LMX1B: variants seen among roughly 807,000 people sequenced by gnomAD.
The protein encoded by LMX1B is LIM homeobox transcription factor 1-beta.
LMX1B carries 12 observed loss-of-function variants against 51.4 expected under a neutral mutation model. That is an observed-to-expected ratio of 0.23 (90% CI 0.15 to 0.38). The LOEUF is 0.38. Among genes scored for constraint, LMX1B ranks in the 10% least tolerant of loss-of-function variants. The pLI is 1.00. For missense variants in LMX1B, 445 were observed against 571.1 expected (o/e 0.78, Z 2.25); for synonymous variants, 237 against 235.4 (o/e 1.01, Z -0.06).
Position 126,644,761 on chromosome 9 carries a change from C to T in LMX1B, c.326+29192C>T, listed in dbSNP as rs192112382. On this transcript the variant is annotated intron_variant, in intron 2 of 7. Transcript: ENST00000373474. ...CCTGTCTGTAAAATGGGACCACCAC[C>T]TTCGCAGGGTATGTAGTCGGGGGTT... Among the ~76,000 whole-genome samples, 178 of 152,312 alleles carry T rather than the reference C, an allele frequency of 1.2e-3. 1 individual carries two copies. The highest frequency in any genetic ancestry group is 4.1e-3 in the African/African-American group (172 of 41,570).
intron 2 of LMX1B, among the ~76,000 whole-genome samples, chr9:126,674,526 C>A (rs946104784): frequency 1.1e-4 from 16 of 152,158 alleles, no homozygotes; most frequent in African/African-American, 3.6e-4. Flanking sequence ...GTGGGGAGAT[C>A]CCTGACCCAA....
chr9:126,620,214 C>T (rs1835380965), intron 2 of LMX1B, among the ~76,000 whole-genome samples: 1 of 152,156 alleles, frequency 6.6e-6, no homozygotes, highest in South Asian at 2.1e-4. Flanking sequence ...CCTGGGGAAG[C>T]CATTGCCTTT....
At chr9:126,684,354 C>T (rs895616734) in intron 2 of LMX1B, among the ~76,000 whole-genome samples, 1 of 152,104 alleles carries the variant, frequency 6.6e-6, no homozygotes, top group Non-Finnish European at 1.5e-5. Flanking sequence ...AGAGAAAGTT[C>T]CAGAGACAGA....
At chr9:126,628,130 C>T (rs1432970921) in intron 2 of LMX1B, among the ~76,000 whole-genome samples, 1 of 152,250 alleles carries the variant, frequency 6.6e-6, no homozygotes, top group East Asian at 1.9e-4. Context: ...CCACATCCCA[C>T]CATCTTTCTT....
At chr9:126,689,333 G>A (rs80247685) in intron 2 of LMX1B, among the ~76,000 whole-genome samples, 3,986 of 152,294 alleles carry the variant, frequency 0.026, 153 homozygotes, top group African/African-American at 0.088. Flanking sequence ...AGGCAGGCGA[G>A]TGCCTCCCAT....
intron 2 of LMX1B, among the ~76,000 whole-genome samples, chr9:126,647,943 G>T (rs1835932591): frequency 1.3e-5 from 2 of 152,184 alleles, no homozygotes; most frequent in South Asian, 4.1e-4. Flanking sequence ...CCATCCTCCT[G>T]TCCCCAGGGA....
chr9:126,640,521 A>G (rs1835790478), intron 2 of LMX1B, among the ~76,000 whole-genome samples: 1 of 152,076 alleles, frequency 6.6e-6, no homozygotes, highest in Admixed American at 6.5e-5. Context: ...CATGTATGTG[A>G]CAAGTCCTTG....
intron 2 of LMX1B, among the ~76,000 whole-genome samples, chr9:126,644,037 G>A (rs139505139): frequency 2.6e-5 from 4 of 152,142 alleles, no homozygotes; most frequent in Admixed American, 6.6e-5. Flanking sequence ...TCACTGGCCC[G>A]CACTGCCCAG....
At chr9:126,616,699 C>T (rs1017185897) in intron 2 of LMX1B, among the ~76,000 whole-genome samples, 2 of 152,220 alleles carry the variant, frequency 1.3e-5, no homozygotes, top group African/African-American at 4.8e-5. Flanking sequence ...GCCGGCGCCT[C>T]GTGGTGAGTG....
intron 2 of LMX1B, among the ~76,000 whole-genome samples, chr9:126,632,836 C>T (rs1008631995): frequency 1.3e-5 from 2 of 152,220 alleles, no homozygotes; most frequent in Non-Finnish European, 2.9e-5. Flanking sequence ...ACCTGTGCAG[C>T]CCCACTGGGC....
intron 2 of LMX1B, among the ~76,000 whole-genome samples, chr9:126,660,103 GTGTC>G (rs1836208471): frequency 7.0e-6 from 1 of 142,368 alleles, no homozygotes. Context: ...CTGTGTGGGG[GTGTC>G]TACACTGCCC....
At chr9:126,688,728 C>G (rs1370587066) in intron 2 of LMX1B, among the ~76,000 whole-genome samples, 4 of 152,204 alleles carry the variant, frequency 2.6e-5, no homozygotes, top group Admixed American at 6.5e-5. Context: ...AAATCCAGCC[C>G]ACATTCCCCT....
chr9:126,677,418 A>T lies in LMX1B; in HGVS notation c.327-13418A>T, dbSNP rs977182701. 1.3e-5 allele frequency among the ~76,000 whole-genome samples: 2 copies of T among 152,144 alleles called. No individual in the cohort carries two copies. Among genetic ancestry groups the T allele is most frequent in the African/African-American group, 4.8e-5 (2 of 41,414 alleles). On this transcript the variant is annotated intron_variant, in intron 2 of 7. Coordinates refer to ENST00000373474, the MANE Select transcript of LMX1B (RefSeq NM_001174147.2). This position sits in a 1 kb window ranked among gnomAD's most constrained non-coding sequence, Gnocchi z 5.0. ...CTCATCTTGCCCACCCACTACTGCT[A>T]TGTCTCCACAAAAAGCCCGGCACAA...
At chr9:126,651,447 G>T (rs1295549184) in intron 2 of LMX1B, among the ~76,000 whole-genome samples, 2 of 152,100 alleles carry the variant, frequency 1.3e-5, no homozygotes, top group Non-Finnish European at 2.9e-5. Context: ...GAGACTGCAG[G>T]GTTGTCTCAA....
intron 2 of LMX1B, among the ~76,000 whole-genome samples, chr9:126,629,058 A>C (rs1181167212): frequency 2.0e-5 from 3 of 152,128 alleles, no homozygotes; most frequent in Non-Finnish European, 4.4e-5. Flanking sequence ...TTATGACCAC[A>C]AAATTACCAT....
rs1835808601 is a variant in LMX1B, at chr9:126,641,573, C to T, written c.326+26004C>T. On this transcript the variant is annotated intron_variant, in intron 2 of 7. Coordinates refer to ENST00000373474, the MANE Select transcript of LMX1B (RefSeq NM_001174147.2). The surrounding 1 kb of genome is among the most constrained non-coding windows in gnomAD (Gnocchi z 4.1). The stretch of plus-strand genomic sequence containing the variant: ...GGCTGGGTTAGGCGACCACCCCCAC[C>T]CAGCTGGGTTCCTCCCTGTCTTGCC... Among the ~76,000 whole-genome samples, 3 of 152,166 alleles carry T rather than the reference C, an allele frequency of 2.0e-5. No homozygotes were observed. The highest frequency in any genetic ancestry group is 4.4e-5 in the Non-Finnish European group (3 of 68,022).
chr9:126,627,804 G>A (rs1835562848), intron 2 of LMX1B, among the ~76,000 whole-genome samples: 1 of 152,182 alleles, frequency 6.6e-6, no homozygotes, highest in African/African-American at 2.4e-5. Flanking sequence ...GCTAGGACTT[G>A]TCCTGTTGTA....
Position 126,671,053 on chromosome 9 carries a change from G to T in LMX1B, c.327-19783G>T, listed in dbSNP as rs541840717. On this transcript the variant is annotated intron_variant, in intron 2 of 7. Transcript: ENST00000373474. This position sits in a 1 kb window ranked among gnomAD's most constrained non-coding sequence, Gnocchi z 4.4. ...AGATACACAGCCAGGGGCCATGCCA[G>T]GTGGCAGAGAAGGGGGCAAGAGAAC... Among the ~76,000 whole-genome samples, 2 of 152,250 alleles carry T rather than the reference G, an allele frequency of 1.3e-5. No individual in the cohort carries two copies. Among genetic ancestry groups the T allele is most frequent in the East Asian group, 3.9e-4 (2 of 5,160 alleles).
chr9:126,620,740 G>C (rs928424382), intron 2 of LMX1B, among the ~76,000 whole-genome samples: 1 of 152,182 alleles, frequency 6.6e-6, no homozygotes, highest in Non-Finnish European at 1.5e-5. Flanking sequence ...CAAACAGAGG[G>C]TGGTCCAGAG....
Sources: gnomAD v4.1 joint callset for allele counts (sites outside exome capture counted in the v4.1 genomes callset) on GRCh38, gnomAD v4.1.1 for gene constraint, Gnocchi (gnomAD v3.1) non-coding constraint, MANE v1.5 for transcripts, NCBI Gene and HGNC (gene_info 2026-07-23, HGNC 2026-07-21) for gene names.